GSG1L: variants seen among roughly 807,000 people sequenced by gnomAD.
The protein encoded by GSG1L is germ cell-specific gene 1-like protein.
A neutral mutation model predicts 42.1 loss-of-function variants in GSG1L; 24 were observed. That is an observed-to-expected ratio of 0.57 (90% CI 0.41 to 0.80). The LOEUF (loss-of-function observed/expected upper bound fraction) is 0.80, where lower values mean the gene tolerates loss of function less well. Among genes scored for constraint, GSG1L ranks in the 30% least tolerant of loss-of-function variants. The pLI, the probability that GSG1L is intolerant of heterozygous loss-of-function variation, is 0.00. For missense variants in GSG1L, 445 were observed against 472.2 expected (o/e 0.94, Z 0.53); for synonymous variants, 215 against 203.5 (o/e 1.06, Z -0.48).
rs397686463 is a variant in GSG1L, at chr16:27,855,719, CAAAAAA to C, written c.551-10664_551-10659del. Among the ~76,000 whole-genome samples the C allele has an allele frequency of 2.9e-4, 18 of 61,722 alleles. 1 individual carries two copies. Among genetic ancestry groups the C allele is most frequent in the African/African-American group, 1.1e-3 (18 of 16,066 alleles). The allele number at this position is 61,722 out of a possible 152,430, so 40.5% of individuals were successfully genotyped here. ...TGGGTGACAGAACGAGACTCAGTCT[CAAAAAA>C]AAAAAAAAAAAAAAAGAGACCAACG... On this transcript the variant is annotated intron_variant, in intron 3 of 6. Transcript: ENST00000447459.
chr16:27,873,039 T>C (rs1181451270), intron 3 of GSG1L, among the ~76,000 whole-genome samples: 1 of 152,230 alleles, frequency 6.6e-6, no homozygotes, highest in Admixed American at 6.5e-5. Context: ...CCCTGAATTC[T>C]TTCTTGCATG....
rs559175582 is a variant in GSG1L at position 28,059,353 on chromosome 16, G to C, written c.349+3723C>G. ...GTGGGGTGTGTTGGCTCCCCGCCTG[G>C]GTCCTGCATGGGTCTTCTGGCTTCA... On this transcript the variant is annotated intron_variant, in intron 1 of 6. Coordinates refer to ENST00000447459, the MANE Select transcript of GSG1L (RefSeq NM_001109763.2). This position sits in a 1 kb window ranked among gnomAD's most constrained non-coding sequence, Gnocchi z 4.4. 2.8e-3 allele frequency among the ~76,000 whole-genome samples: 423 copies of C among 152,054 alleles called. 1 individual carries two copies. The highest frequency in any genetic ancestry group is 9.5e-3 in the African/African-American group (392 of 41,472).
intron 2 of GSG1L, among the ~76,000 whole-genome samples, chr16:27,887,584 C>A (rs115313208): frequency 6.6e-6 from 1 of 152,198 alleles, no homozygotes; most frequent in Non-Finnish European, 1.5e-5. Flanking sequence ...AGCTCTCTGC[C>A]TTTGCACAAG....
intron 2 of GSG1L, among the ~76,000 whole-genome samples, chr16:27,962,591 T>A (rs1429579570): frequency 6.6e-6 from 1 of 152,216 alleles, no homozygotes; most frequent in Non-Finnish European, 1.5e-5. Flanking sequence ...AACCTAATCC[T>A]GACTGCTATC....
intron 6 of GSG1L, among the ~76,000 whole-genome samples, chr16:27,800,079 G>A (rs1021229214): frequency 5.9e-5 from 9 of 152,284 alleles, no homozygotes; most frequent in African/African-American, 1.9e-4. Flanking sequence ...TGATGCTCCT[G>A]TTGGCTTGGA....
At chr16:27,886,668 C>G (rs1321835542) in intron 2 of GSG1L, among the ~76,000 whole-genome samples, 1 of 152,134 alleles carries the variant, frequency 6.6e-6, no homozygotes, top group Non-Finnish European at 1.5e-5. Context: ...GAGATAGAGT[C>G]AACAGGGAGA....
intron 1 of GSG1L, among the ~76,000 whole-genome samples, chr16:27,964,664 C>G (rs1366509038): frequency 6.6e-6 from 1 of 152,104 alleles, no homozygotes; most frequent in Non-Finnish European, 1.5e-5. Flanking sequence ...TGAAATAAGC[C>G]AGGCACAGAA....
intron 6 of GSG1L, among the ~76,000 whole-genome samples, chr16:27,798,018 G>A (rs188985592): frequency 1.3e-5 from 2 of 152,192 alleles, no homozygotes; most frequent in Non-Finnish European, 2.9e-5. Flanking sequence ...CAGAAACTGG[G>A]TGCTCCACAG....
chr16:27,910,010 A>G (rs1245107026), intron 2 of GSG1L, among the ~76,000 whole-genome samples: 1 of 131,800 alleles, frequency 7.6e-6, no homozygotes, highest in Non-Finnish European at 1.5e-5. Flanking sequence ...CCCAGGCTGG[A>G]GTGTAGTGGC....
chr16:27,850,023 CTTTTTTTT>C (rs57543425), intron 3 of GSG1L, among the ~76,000 whole-genome samples: 4 of 70,068 alleles, frequency 5.7e-5, no homozygotes, highest in South Asian at 6.0e-4. Context: ...TTTGAAATGC[CTTTTTTTT>C]TTTTTTTTTT....
At chr16:27,878,956 A>ACTC (rs1216898795) in intron 3 of GSG1L, among the ~76,000 whole-genome samples, 1 of 152,090 alleles carries the variant, frequency 6.6e-6, no homozygotes, top group Non-Finnish European at 1.5e-5. Flanking sequence ...GGCTAAATTG[A>ACTC]CTCAACAGGG....
chr16:27,811,749 C>T (rs142461463), intron 5 of GSG1L, among the ~76,000 whole-genome samples: 2,079 of 152,188 alleles, frequency 0.014, 56 homozygotes, highest in Admixed American at 0.07. Flanking sequence ...CCTGGGTTCA[C>T]GCAATTCTCC....
intron 3 of GSG1L, among the ~76,000 whole-genome samples, chr16:27,879,265 C>T (rs2083923053): frequency 6.6e-6 from 1 of 152,098 alleles, no homozygotes; most frequent in African/African-American, 2.4e-5. Flanking sequence ...TTGATATCCA[C>T]AGGGGATTGG....
At chr16:27,818,790 G>A (rs148927265) in intron 5 of GSG1L, among the ~76,000 whole-genome samples, 1 of 152,066 alleles carries the variant, frequency 6.6e-6, no homozygotes, top group East Asian at 1.9e-4. Context: ...TTTTTAAGAA[G>A]GACTTTTTTT....
At chr16:27,801,751 T>C (rs935227146) in intron 6 of GSG1L, among the ~76,000 whole-genome samples, 2 of 152,062 alleles carry the variant, frequency 1.3e-5, no homozygotes, top group East Asian at 3.9e-4. Context: ...AGGGTGTGGG[T>C]GATGAGGTCA....
chr16:27,897,996 A>G (rs944991440), intron 2 of GSG1L, among the ~76,000 whole-genome samples: 1 of 152,212 alleles, frequency 6.6e-6, no homozygotes, highest in Non-Finnish European at 1.5e-5. Flanking sequence ...TCCACACTCA[A>G]CAACTGAACA....
intron 2 of GSG1L, among the ~76,000 whole-genome samples, chr16:27,904,616 G>A (rs1385230129): frequency 1.3e-5 from 2 of 151,968 alleles, no homozygotes; most frequent in Admixed American, 1.3e-4. Flanking sequence ...TTTCTTCCAG[G>A]GCCCTAAGTG....
intron 1 of GSG1L, among the ~76,000 whole-genome samples, chr16:28,056,716 A>C (rs1038017585): frequency 2.6e-5 from 4 of 152,032 alleles, no homozygotes; most frequent in African/African-American, 9.7e-5. Context: ...ACGGCATTGA[A>C]GTGTCAGCTC....
chr16:28,060,144 G>A (rs755811587), intron 1 of GSG1L, among the ~76,000 whole-genome samples: 3 of 152,010 alleles, frequency 2.0e-5, no homozygotes, highest in Non-Finnish European at 4.4e-5. Context: ...TGGAAGGGAG[G>A]GAAGTTTAGC....
Sources: gnomAD v4.1 joint callset for allele counts (sites outside exome capture counted in the v4.1 genomes callset) on GRCh38, gnomAD v4.1.1 for gene constraint, Gnocchi (gnomAD v3.1) non-coding constraint, MANE v1.5 for transcripts, NCBI Gene and HGNC (gene_info 2026-07-23, HGNC 2026-07-21) for gene names.